Variants in LYST observed in about 807,000 individuals in gnomAD.
LYST encodes lysosomal-trafficking regulator.
A neutral mutation model predicts 413.6 loss-of-function variants in LYST; 192 were observed. The ratio of observed to expected loss-of-function variants is 0.46; its 90% CI spans 0.41 to 0.52. The LOEUF (loss-of-function observed/expected upper bound fraction) is 0.52. LYST is among the 20% of genes least tolerant of loss of function. LYST has a pLI of 0.00. For missense variants in LYST, 3,815 were observed against 4,499.9 expected, an observed-to-expected ratio of 0.85 and a Z score of 4.35; for synonymous variants, 1,525 against 1,567.3, an observed-to-expected ratio of 0.97 and a Z score of 0.64.
In LYST at chr1:235,814,787, G is replaced by C. The variant is rs1233225472; in HGVS notation, c.193-1726C>G. On this transcript the variant is annotated intron_variant, in intron 3 of 52. Transcript: ENST00000389793. The stretch of plus-strand genomic sequence containing the variant: ...AAAAGGCTCAGAATTCTTCAAAAAA[G>C]GGGTTTAGTAAAATCTAAACCCCTT... Among the ~76,000 whole-genome samples the C allele has an allele frequency of 2.0e-5, 3 of 152,064 alleles. No individual in the cohort carries two copies. In the East Asian group the frequency reaches 5.8e-4, roughly 29 times the overall value.
At chr1:235,847,125 C>T (rs980794148) in intron 1 of LYST, among the ~76,000 whole-genome samples, 18 of 152,134 alleles carry the variant, frequency 1.2e-4, no homozygotes, top group African/African-American at 3.9e-4. Context: ...AGCTGTGAAA[C>T]AGTAGTACCA....
At chr1:235,740,201 ATATGT>A (rs1031919359) in intron 31 of LYST, among the ~76,000 whole-genome samples, 3 of 152,102 alleles carry the variant, frequency 2.0e-5, no homozygotes, top group African/African-American at 4.8e-5. Flanking sequence ...TCCTAATATG[ATATGT>A]GTTTTCCATG....
Position 235,808,514 on chromosome 1 carries a change from G to C in LYST, c.2304C>G (p.Cys768Trp). 6.2e-7 allele frequency: 1 copy of C among 1,613,744 alleles called. No individual in the cohort carries two copies. ...QSHVCSHHNQ[C>W]LPQDVLQIYV... ...AAATCTGAAGCACGTCCTGAGGCAA[G>C]CACTGGTTATGATGGCTACATACAT... The change falls in exon 5 of 53, where the codon TGC (cysteine) becomes TGG (tryptophan). Residue 768 changes from cysteine to tryptophan, a missense_variant. By Grantham distance (215) the Cys-to-Trp change is radical. Around this residue, in one of 4 missense-constraint regions of LYST, gnomAD observed 1,648 missense variants for 1,810.3 expected, o/e 0.91. Coordinates refer to ENST00000389793, the MANE Select transcript of LYST (RefSeq NM_000081.4).
Position 235,792,079 on chromosome 1 carries a change from G to A in LYST, c.4163C>T (p.Thr1388Ile), listed in dbSNP as rs1671063020. ...GGTTAGATACTGTGAAGGGCTCATA[G>A]TAGTATCACTTTCAATAATTTTCAG... ...GILKIIESDT[T>I]MSPSQYLTFP... Residue 1388 changes from threonine (T) to isoleucine (I), a missense_variant, in exon 12 of 53, where the codon ACT becomes ATT. By Grantham distance (89) the Thr-to-Ile change is moderately conservative. Transcript: ENST00000389793. 6.2e-7 allele frequency: 1 copy of A among 1,613,176 alleles called. No individual in the cohort carries two copies. The highest frequency in any genetic ancestry group is 8.5e-7 in the Non-Finnish European group (1 of 1,179,276).
chr1:235,725,352 T>G (rs1031186806), intron 38 of LYST, among the ~76,000 whole-genome samples: 1 of 152,020 alleles, frequency 6.6e-6, no homozygotes, highest in Non-Finnish European at 1.5e-5. Flanking sequence ...GAGAATCACC[T>G]GAACCCAGGA....
chr1:235,863,775 G>T (rs1234071691), intron 1 of LYST, among the ~76,000 whole-genome samples: 1 of 152,170 alleles, frequency 6.6e-6, no homozygotes, highest in Non-Finnish European at 1.5e-5. Flanking sequence ...AACGTAAAAA[G>T]TGTCTTCAAA....
intron 14 of LYST, among the ~76,000 whole-genome samples, chr1:235,783,556 G>C (rs1489202136): frequency 1.3e-5 from 2 of 151,856 alleles, no homozygotes; most frequent in African/African-American, 4.8e-5. Flanking sequence ...CTAGATGACG[G>C]GTTGATGGGT....
Position 235,726,549 on chromosome 1 carries a change from C to T in LYST, c.9162+1527G>A, listed in dbSNP as rs183981956. Among the ~76,000 whole-genome samples the T allele has an allele frequency of 3.5e-3, 540 of 152,126 alleles. 2 individuals are homozygous for T. The highest frequency in any genetic ancestry group is 5.2e-3 in the Non-Finnish European group (352 of 67,996). On this transcript the variant is annotated intron_variant, in intron 38 of 52. Transcript: ENST00000389793. ...AAATATTTGTACACACATTTGCACA[C>T]ACAACGCAAGATACCAAATGTTATA...
chr1:235,809,681 C>T lies in LYST; in HGVS notation c.1137G>A (p.Lys379=). Residue 379 remains lysine (K), a synonymous_variant, in exon 5 of 53, where the codon AAG becomes AAA. Transcript: ENST00000389793. The surrounding 1 kb of genome is among the most constrained non-coding windows in gnomAD (Gnocchi z 4.0). ...CTTCCTGAACCTCCTGCAGTGTTTT[C>T]TTTTGTCTTGGTGCAAAAGGGTCAG... ...KQPDPFAPRQ[K]KTLQEVQEDF... 2 of 1,613,740 alleles carry T rather than the reference C, an allele frequency of 1.2e-6. No individual in the cohort carries two copies. Among genetic ancestry groups the T allele is most frequent in the South Asian group, 2.2e-5 (2 of 91,050 alleles).
intron 1 of LYST, among the ~76,000 whole-genome samples, chr1:235,855,622 T>C (rs568193370): frequency 7.2e-5 from 11 of 152,262 alleles, no homozygotes; most frequent in African/African-American, 2.6e-4. Context: ...TTATCCTAAA[T>C]GTGAAATGAA....
At chr1:235,829,454 A>C (rs185518805) in intron 3 of LYST, 1 of 152,344 alleles carries the variant, frequency 6.6e-6, no homozygotes, top group African/African-American at 2.4e-5. Flanking sequence ...TATTGGTGTT[A>C]CAAACACTTC....
At chr1:235,726,753 A>C (rs1249090933) in intron 38 of LYST, among the ~76,000 whole-genome samples, 2 of 152,196 alleles carry the variant, frequency 1.3e-5, no homozygotes, top group Non-Finnish European at 2.9e-5. Flanking sequence ...AGTATTTGTG[A>C]ATGTATCCTC....
chr1:235,844,241 C>A (rs1468516337), intron 1 of LYST, among the ~76,000 whole-genome samples: 4 of 145,928 alleles, frequency 2.7e-5, no homozygotes, highest in Non-Finnish European at 6.0e-5. Flanking sequence ...TACAACACAT[C>A]AGTAAAAATA....
intron 8 of LYST, among the ~76,000 whole-genome samples, chr1:235,801,422 C>CG (rs1242202733): frequency 6.6e-6 from 1 of 151,494 alleles, no homozygotes; most frequent in African/African-American, 2.4e-5. Flanking sequence ...CTGACCCCCC[C>CG]CTCAAATACC....
Position 235,693,727 on chromosome 1 carries a change from CA to C in LYST, c.10565-242del, listed in dbSNP as rs1170252945. 2.6e-5 allele frequency among the ~76,000 whole-genome samples: 4 copies of C among 152,212 alleles called. No individual in the cohort carries two copies. The Middle Eastern group carries it at 0.014, about 518-fold the overall frequency. ...TGTTTTGACTGGGATTTGTTTGACT[CA>C]GAACTAAAATTTCTGTTAAGAAATT... On this transcript the variant is annotated intron_variant, in intron 46 of 52. Transcript: ENST00000389793.
At chr1:235,877,774 G>A (rs1253434425) in intron 1 of LYST, among the ~76,000 whole-genome samples, 2 of 149,894 alleles carry the variant, frequency 1.3e-5, no homozygotes, top group African/African-American at 4.9e-5. Flanking sequence ...TCGCTTAGCA[G>A]TGTAGATGTA....
chr1:235,864,019 G>A (rs1680204590), intron 1 of LYST, among the ~76,000 whole-genome samples: 3 of 152,124 alleles, frequency 2.0e-5, no homozygotes, highest in Admixed American at 6.5e-5. Context: ...GGTAATGTCT[G>A]ATCGCCCTGG....
intron 39 of LYST, 106 bp downstream of exon 39, chr1:235,723,922 C>A: frequency 1.0e-6 from 1 of 1,001,940 alleles, no homozygotes; most frequent in Non-Finnish European, 1.6e-6. Context: ...AGAAACATGG[C>A]AATTTTATTC....
intron 16 of LYST, among the ~76,000 whole-genome samples, chr1:235,777,551 C>T (rs1183938789): frequency 6.6e-6 from 1 of 152,132 alleles, no homozygotes; most frequent in African/African-American, 2.4e-5. Context: ...AGAAGGATTC[C>T]AGCTTTGTTC....
Sources: allele counts gnomAD v4.1 joint callset (sites outside exome capture counted in the v4.1 genomes callset), GRCh38; gene constraint gnomAD v4.1.1; regional missense constraint gnomAD v4.1.1; non-coding constraint Gnocchi (gnomAD v3.1); transcripts MANE v1.5; gene names NCBI Gene and HGNC (gene_info 2026-07-23, HGNC 2026-07-21).